COL4A5: variants seen among roughly 807,000 people sequenced by gnomAD.
COL4A5 encodes collagen type IV alpha 5 chain, also known as collagen alpha-5(IV) chain.
In COL4A5, 26 loss-of-function variants were observed where a neutral mutation model predicts 130.2. The ratio of observed to expected loss-of-function variants is 0.20; its 90% confidence interval spans 0.15 to 0.28. COL4A5 has a LOEUF of 0.28. Among genes scored for constraint, COL4A5 ranks in the 10% least tolerant of loss-of-function variants. The pLI, the probability that COL4A5 is intolerant of heterozygous loss-of-function variation, is 1.00. For missense variants in COL4A5, 1,131 were observed against 1,344.3 expected, an observed-to-expected ratio of 0.84 and a Z score of 2.48; for synonymous variants, 496 against 439.6, an observed-to-expected ratio of 1.13 and a Z score of -1.60.
chrX:108,597,762 T>C (rs2066547090), intron 24 of COL4A5, among the ~76,000 whole-genome samples, 194 bp downstream of exon 24: 1 of 111,966 alleles, frequency 8.9e-6, no homozygotes, highest in South Asian at 3.7e-4. Context: ...TTCACTTGTT[T>C]TGTAAACTTA....
At chrX:108,691,931 C>T (rs962936393) in intron 49 of COL4A5, among the ~76,000 whole-genome samples, 3 of 111,276 alleles carry the variant, frequency 2.7e-5, no homozygotes, top group Non-Finnish European at 5.7e-5. Context: ...ATTCCCAGTC[C>T]CTGCTATTAC....
chrX:108,696,306 G>A lies in COL4A5; in HGVS notation c.5004G>A (p.Gln1668=), dbSNP rs770835001. ...ATTTCTTATTTCCCAGTAAACCTCA[G>A]TCAGAAACGCTGAAAGCAGGAGACT... ...VDVSDMFSKP[Q]SETLKAGDLR... is the part of the protein sequence containing the mutation. The change falls in exon 53 of 53, where the codon CAG becomes CAA. Residue 1668 remains glutamine (Q), a synonymous_variant. Transcript: ENST00000328300. 1.2e-5 allele frequency: 15 copies of A among 1,205,929 alleles called. No homozygotes were observed. In the Admixed American group the frequency reaches 3.1e-4, roughly 25 times the overall value.
chrX:108,487,904 T>C (rs1187913419), intron 1 of COL4A5, among the ~76,000 whole-genome samples: 2 of 112,397 alleles, frequency 1.8e-5, no homozygotes, highest in African/African-American at 3.2e-5. Context: ...GTTCTTACCC[T>C]GCCCCAAGGT....
intron 1 of COL4A5, among the ~76,000 whole-genome samples, chrX:108,446,399 A>G (rs1392060241): frequency 8.9e-6 from 1 of 112,223 alleles, no homozygotes. Flanking sequence ...GCTGCCATGA[A>G]CATTTCTTAT....
chrX:108,450,349 C>A (rs188034501), intron 1 of COL4A5, among the ~76,000 whole-genome samples: 1 of 111,717 alleles, frequency 9.0e-6, no homozygotes, highest in Admixed American at 9.5e-5. Context: ...CTGCTTCAGC[C>A]CCCCAAAGAG....
intron 6 of COL4A5, among the ~76,000 whole-genome samples, chrX:108,569,394 A>G (rs2066023832): frequency 1.8e-5 from 2 of 110,223 alleles, no homozygotes; most frequent in African/African-American, 3.3e-5. Context: ...TATAGCAAAC[A>G]TTTTTTTTTC....
In COL4A5 at chrX:108,697,194, C is replaced by T. The variant is rs1316872141; in HGVS notation, c.*816C>T. 9.0e-6 allele frequency: 1 copy of T among 110,796 alleles called. No individual in the cohort carries two copies. The highest frequency in any genetic ancestry group is 3.3e-5 in the African/African-American group (1 of 30,527). 9.1% of individuals were successfully genotyped at this position (110,796 alleles called of 1,213,427 possible). Reference sequence around the variant, plus strand: ...AAGATTATCTCTTAAGACCATATGCCCCCTGTTTTAATGTTTCTTACATCT... The same window carrying T: ...AAGATTATCTCTTAAGACCATATGCTCCCTGTTTTAATGTTTCTTACATCT... On this transcript the variant is annotated 3_prime_UTR_variant, in exon 53 of 53. Transcript: ENST00000328300.
At chrX:108,694,535 G>GC (rs2068696517) in intron 50 of COL4A5, 2 of 361,234 alleles carry the variant, frequency 5.5e-6, no homozygotes, top group Non-Finnish European at 9.8e-6. Flanking sequence ...ATTGACTATA[G>GC]CAAGTATGAA....
rs2064866479 is a variant in COL4A5, at chrX:108,479,323, TTGGCTACAGCCCGTGAATCAG to T, written c.81+39119_81+39139del. Among the ~76,000 whole-genome samples the T allele has an allele frequency of 5.3e-5, 6 of 112,591 alleles. No individual in the cohort carries two copies. The East Asian group carries it at 1.7e-3, about 31-fold the overall frequency. ...AGTCCCTGACCATCCAGCCAAAGCA[TTGGCTACAGCCCGTGAATCAG>T]TATACAATCGCACATCTGGCCATTT... On this transcript the variant is annotated intron_variant, in intron 1 of 52. Transcript: ENST00000328300.
At chrX:108,649,815 T>A (rs1196473023) in intron 36 of COL4A5, among the ~76,000 whole-genome samples, 3 of 111,466 alleles carry the variant, frequency 2.7e-5, no homozygotes, top group Non-Finnish European at 3.8e-5. Context: ...CTAGAAGATA[T>A]CATTGGAAAA....
chrX:108,626,868 A>G, intron 36 of COL4A5: 1 of 771,059 alleles, frequency 1.3e-6, no homozygotes, highest in Non-Finnish European at 1.5e-6. Context: ...TTGTTTCAGA[A>G]TCATTGGACT....
chrX:108,501,977 T>C (rs1291145720), intron 1 of COL4A5, among the ~76,000 whole-genome samples: 5 of 112,405 alleles, frequency 4.4e-5, no homozygotes, highest in Non-Finnish European at 1.9e-5. Flanking sequence ...TTTTCTTTTT[T>C]TCTTTTAATC....
At chrX:108,586,869 C>A (rs2066345442) in intron 19 of COL4A5, 122 bp downstream of exon 19, 1 of 738,110 alleles carries the variant, frequency 1.4e-6, no homozygotes, top group East Asian at 3.3e-5. Context: ...TTTTAATTGA[C>A]AGATACTTCC....
intron 1 of COL4A5, among the ~76,000 whole-genome samples, chrX:108,524,668 C>T (rs2065296355): frequency 9.0e-6 from 1 of 110,895 alleles, no homozygotes; most frequent in African/African-American, 3.3e-5. Flanking sequence ...TTAAATGAGT[C>T]CCATATGTTT....
intron 49 of COL4A5, chrX:108,689,512 T>C: frequency 4.0e-6 from 3 of 754,061 alleles, no homozygotes; most frequent in African/African-American, 2.3e-5. Flanking sequence ...ATCTATAAAC[T>C]GGCCCTGACT....
chrX:108,666,429 C>T (rs2068079830), intron 38 of COL4A5, 67 bp from the exon 39 acceptor site: 1 of 763,529 alleles, frequency 1.3e-6, no homozygotes, highest in African/African-American at 2.1e-5. Context: ...AAGAAGGGAG[C>T]ATATGGAAGT....
chrX:108,473,303 CA>C (rs1469642546), intron 1 of COL4A5, among the ~76,000 whole-genome samples: 15 of 109,336 alleles, frequency 1.4e-4, no homozygotes, highest in Non-Finnish European at 2.9e-4. Context: ...TCTCATAACA[CA>C]AAAAAGTTAA....
chrX:108,662,398 C>T (rs752058523), intron 37 of COL4A5, among the ~76,000 whole-genome samples: 1 of 111,245 alleles, frequency 9.0e-6, no homozygotes, highest in South Asian at 3.8e-4. Context: ...TGTGCTTTCA[C>T]TTGTTATTGA....
intron 30 of COL4A5, among the ~76,000 whole-genome samples, chrX:108,619,015 A>G (rs1481905299): frequency 9.0e-6 from 1 of 111,600 alleles, no homozygotes; most frequent in African/African-American, 3.3e-5. Flanking sequence ...CTATAATATA[A>G]CAATAGATAG....
Sources: gnomAD v4.1 joint callset for allele counts (sites outside exome capture counted in the v4.1 genomes callset) on GRCh38, gnomAD v4.1.1 for gene constraint, MANE v1.5 for transcripts, NCBI Gene and HGNC (gene_info 2026-07-23, HGNC 2026-07-21) for gene names.